Variants in CIRSR observed in about 807,000 individuals in gnomAD.
The protein encoded by CIRSR is corepressor of RBPJ and splicing regulator, also known as CBF1 (RBPJ) interacting corepressor 1.
the CIRSR span, chr2:174,351,957 C>A: frequency 6.8e-3 from 2,408 of 352,544 alleles, 11 homozygotes; most frequent in Non-Finnish European, 0.01. Context: ...TCTTATGTAA[C>A]TTTGTCATAT....
chr2:174,387,933 C>G, the CIRSR span, among the ~76,000 whole-genome samples: 3 of 152,072 alleles, frequency 2.0e-5, no homozygotes, highest in African/African-American at 2.4e-5. Flanking sequence ...CACTAATACA[C>G]AGTGGAAGAA....
At chr2:174,393,463 A>G in the CIRSR span, among the ~76,000 whole-genome samples, 1 of 152,174 alleles carries the variant, frequency 6.6e-6, no homozygotes, top group South Asian at 2.1e-4. Context: ...AAAAGAACCT[A>G]CTGGACTTTA....
the CIRSR span, among the ~76,000 whole-genome samples, chr2:174,376,340 G>C: frequency 6.6e-6 from 1 of 152,214 alleles, no homozygotes; most frequent in African/African-American, 2.4e-5. Context: ...AACTTGATAG[G>C]AACCAAATAC....
At chr2:174,392,300 G>A in the CIRSR span, among the ~76,000 whole-genome samples, 1 of 152,104 alleles carries the variant, frequency 6.6e-6, no homozygotes, top group Admixed American at 6.6e-5. Context: ...CCCAGCGGGG[G>A]TTTCTTTTTG....
At chr2:174,383,165 T>A in the CIRSR span, among the ~76,000 whole-genome samples, 2 of 152,214 alleles carry the variant, frequency 1.3e-5, no homozygotes, top group African/African-American at 2.4e-5. Flanking sequence ...TGACATATGA[T>A]CTAATTTATA....
At chr2:174,377,664 C>CA in the CIRSR span, among the ~76,000 whole-genome samples, 1 of 150,966 alleles carries the variant, frequency 6.6e-6, no homozygotes, top group African/African-American at 2.4e-5. Context: ...TTAAAAAATA[C>CA]AAAAACTAGC....
the CIRSR span, among the ~76,000 whole-genome samples, chr2:174,370,882 T>G: frequency 0.72 from 107,270 of 148,852 alleles, 38,809 homozygotes; most frequent in South Asian, 0.85. Context: ...CTGCAATCCA[T>G]CCTGGGTGAC....
the CIRSR span, among the ~76,000 whole-genome samples, chr2:174,351,057 C>T: frequency 6.6e-6 from 1 of 152,144 alleles, no homozygotes. Flanking sequence ...TGAATGTTAA[C>T]TCTTGCCAGT....
chr2:174,357,406 T>C, the CIRSR span, among the ~76,000 whole-genome samples: 1 of 152,174 alleles, frequency 6.6e-6, no homozygotes, highest in Non-Finnish European at 1.5e-5. Context: ...TTAAAACATG[T>C]TTCTAGCTAA....
chr2:174,381,356 TAAAAG>T, the CIRSR span, among the ~76,000 whole-genome samples: 12 of 152,070 alleles, frequency 7.9e-5, no homozygotes, highest in African/African-American at 2.9e-4. Flanking sequence ...ATCAAAGACT[TAAAAG>T]AAAAGGAAGG....
the CIRSR span, among the ~76,000 whole-genome samples, chr2:174,395,116 GTTTA>G: frequency 4.1e-3 from 621 of 152,214 alleles, 5 homozygotes; most frequent in African/African-American, 0.014. Flanking sequence ...ACTTCAACGA[GTTTA>G]GTCATCAAAA....
At chr2:174,389,890 G>A in the CIRSR span, among the ~76,000 whole-genome samples, 1 of 152,204 alleles carries the variant, frequency 6.6e-6, no homozygotes, top group African/African-American at 2.4e-5. Flanking sequence ...CTACACGTGC[G>A]CAGAAGGCAA....
At chr2:174,350,829 T>A in the CIRSR span, 1 of 1,017,054 alleles carries the variant, frequency 9.8e-7, no homozygotes, top group South Asian at 1.6e-5. Flanking sequence ...TATAAATAAG[T>A]TTTGTATCAG....
chr2:174,348,411 C>T, the CIRSR span: 1 of 1,511,306 alleles, frequency 6.6e-7, no homozygotes, highest in African/African-American at 1.4e-5. Flanking sequence ...ATAATTTACC[C>T]CTTGCTAAAG....
chr2:174,379,177 T>C, the CIRSR span: 1 of 631,750 alleles, frequency 1.6e-6, no homozygotes, highest in Admixed American at 3.0e-5. Context: ...CAAACTATGT[T>C]TGGTAATTTA....
At chr2:174,381,817 CA>C in the CIRSR span, 34,757 of 984,142 alleles carry the variant, frequency 0.035, 20 homozygotes, top group East Asian at 0.067. Context: ...TTATGTAGGA[CA>C]AAAAAAAAAA....
the CIRSR span, among the ~76,000 whole-genome samples, chr2:174,380,030 T>C: frequency 6.6e-6 from 1 of 152,176 alleles, no homozygotes; most frequent in Non-Finnish European, 1.5e-5. Context: ...GCCTGATTTC[T>C]GTCTTTTATC....
chr2:174,392,744 T>C, the CIRSR span, among the ~76,000 whole-genome samples: 1 of 152,174 alleles, frequency 6.6e-6, no homozygotes. Flanking sequence ...TTTCTACCCA[T>C]ATGAGATAGC....
chr2:174,382,665 C>A, the CIRSR span, among the ~76,000 whole-genome samples: 1 of 152,076 alleles, frequency 6.6e-6, no homozygotes, highest in East Asian at 1.9e-4. Flanking sequence ...AAAAAGTCTA[C>A]ACATGCCAAG....
Sources: gnomAD v4.1 joint callset for allele counts (sites outside exome capture counted in the v4.1 genomes callset) on GRCh38, gnomAD v4.1.1 for gene constraint, MANE v1.5 for transcripts, NCBI Gene and HGNC (gene_info 2026-07-23, HGNC 2026-07-21) for gene names.